The following SETD2 variants were observed in gnomAD, a reference collection of about 807,000 sequenced individuals.
SETD2 encodes SET domain containing 2, histone lysine methyltransferase, also known as histone-lysine N-methyltransferase SETD2.
A neutral mutation model predicts 242.1 loss-of-function variants in SETD2; 31 were observed. The ratio of observed to expected loss-of-function variants is 0.13; its 90% CI spans 0.10 to 0.17. The LOEUF is 0.17. SETD2 is among the 10% of genes least tolerant of loss of function. The probability of loss-of-function intolerance (pLI) is 1.00; values close to 1 mark genes in which losing one functional copy is unlikely to be tolerated. For synonymous variants in SETD2, 1,006 were observed against 1,066.5 expected, an observed-to-expected ratio of 0.94 and a Z score of 1.11; for missense variants, 2,481 against 3,046.3, an observed-to-expected ratio of 0.81 and a Z score of 4.37.
chr3:47,102,413 T>C (rs1267084161), intron 7 of SETD2, among the ~76,000 whole-genome samples: 2 of 152,150 alleles, frequency 1.3e-5, no homozygotes, highest in Non-Finnish European at 2.9e-5. Context: ...GCAAAAAATA[T>C]CCAGACTCAA....
chr3:47,098,149 A>G, intron 8 of SETD2, 68 bp from the exon 9 acceptor site: 2 of 1,554,520 alleles, frequency 1.3e-6, no homozygotes, highest in Non-Finnish European at 1.8e-6. Flanking sequence ...TTGGCAATAC[A>G]CACAAAAGTC....
chr3:47,045,876 C>T (rs553029425), intron 16 of SETD2, among the ~76,000 whole-genome samples: 44 of 148,006 alleles, frequency 3.0e-4, no homozygotes, highest in African/African-American at 1.0e-3. Flanking sequence ...CCCAGGTTCA[C>T]GCCATTCTCC....
At chr3:47,159,958 G>C (rs1348372423) in intron 1 of SETD2, among the ~76,000 whole-genome samples, 1 of 150,608 alleles carries the variant, frequency 6.6e-6, no homozygotes, top group African/African-American at 2.4e-5. Flanking sequence ...CTGGGGGACA[G>C]AGTGAGACTC....
At chr3:47,162,360 A>G (rs1272875728) in intron 1 of SETD2, among the ~76,000 whole-genome samples, 1 of 152,216 alleles carries the variant, frequency 6.6e-6, no homozygotes, top group African/African-American at 2.4e-5. Flanking sequence ...GTAAATCAAA[A>G]CAATCTTACC....
chr3:47,056,929 C>G lies in SETD2; in HGVS notation c.6855G>C (p.Gln2285His). The part of the protein sequence containing the change: ...SNQQSVSVQQ[Q>H]YSPAQSQATI... The stretch of plus-strand genomic sequence containing the variant: ...TTGCTTGAGACTGTGCAGGAGAGTA[C>G]TGCTGCTGTACACTGACAGACTGTT... The change falls in exon 15 of 21, where the codon CAG (glutamine) becomes CAC (histidine). Residue 2285 changes from glutamine to histidine, a missense_variant. Gln to His is a conservative substitution (Grantham distance 24). This residue lies in a region of SETD2 where 235 missense variants were observed against 293.9 expected (regional missense o/e 0.80). Transcript: ENST00000409792. The G allele has an allele frequency of 6.2e-7, 1 of 1,614,236 alleles. No individual in the cohort carries two copies. The highest frequency in any genetic ancestry group is 8.5e-7 in the Non-Finnish European group (1 of 1,180,024).
At chr3:47,044,253 G>C (rs898494439) in intron 16 of SETD2, among the ~76,000 whole-genome samples, 1 of 147,852 alleles carries the variant, frequency 6.8e-6, no homozygotes, top group African/African-American at 2.5e-5. Flanking sequence ...TGAGGCAGGA[G>C]AACTGCTTGA....
At chr3:47,046,210 A>T (rs1162083465) in intron 16 of SETD2, among the ~76,000 whole-genome samples, 1 of 151,678 alleles carries the variant, frequency 6.6e-6, no homozygotes, top group African/African-American at 2.4e-5. Context: ...GGTGGCACAC[A>T]CCTGTAATCC....
intron 1 of SETD2, among the ~76,000 whole-genome samples, chr3:47,134,634 C>CTT (rs879497572): frequency 2.1e-5 from 3 of 145,686 alleles, no homozygotes; most frequent in Non-Finnish European, 4.6e-5. Flanking sequence ...TGCTCAATGA[C>CTT]TTTTTTTTTT....
chr3:47,118,321 C>T (rs891317207), intron 3 of SETD2, among the ~76,000 whole-genome samples: 10 of 152,114 alleles, frequency 6.6e-5, no homozygotes, highest in Non-Finnish European at 1.3e-4. Context: ...AAGCCCTTTT[C>T]CATTAAACAT....
chr3:47,029,112 G>C (rs1054476978), intron 18 of SETD2: 7 of 162,032 alleles, frequency 4.3e-5, no homozygotes, highest in African/African-American at 1.5e-4. Flanking sequence ...CACCAGGCTG[G>C]AGTGCAGTGG....
rs73831472 is a variant in SETD2 at position 47,062,935 on chromosome 3, C to A, written c.6110-589G>T. Among the ~76,000 whole-genome samples the A allele has an allele frequency of 1.9e-3, 289 of 152,064 alleles. 2 individuals carry two copies. Among genetic ancestry groups the A allele is most frequent in the African/African-American group, 6.7e-3 (277 of 41,464 alleles). Reference sequence around the variant, plus strand: ...TCCAGCCTGGGCAAACGAAGCAAGACCCCATCTCTTAAAATTAAAAAAGTG... The same window carrying A: ...TCCAGCCTGGGCAAACGAAGCAAGAACCCATCTCTTAAAATTAAAAAAGTG... On this transcript the variant is annotated intron_variant, in intron 13 of 20. Transcript: ENST00000409792.
At chr3:47,078,440 C>T (rs181739285) in intron 12 of SETD2, among the ~76,000 whole-genome samples, 2 of 150,460 alleles carry the variant, frequency 1.3e-5, no homozygotes, top group East Asian at 1.9e-4. Context: ...AAAGGCAGAC[C>T]GAAGAACTAT....
chr3:47,025,313 T>C (rs1457203520), intron 18 of SETD2, among the ~76,000 whole-genome samples: 1 of 152,190 alleles, frequency 6.6e-6, no homozygotes, highest in Admixed American at 6.5e-5. Flanking sequence ...CTTGGCAAGA[T>C]TCCCCAGCAT....
chr3:47,141,712 C>T (rs2043733233), intron 1 of SETD2, among the ~76,000 whole-genome samples: 3 of 151,862 alleles, frequency 2.0e-5, no homozygotes, highest in South Asian at 2.1e-4. Flanking sequence ...AGAAACATAC[C>T]AAGTACAACA....
At position 47,113,962 on chromosome 3, in the gene SETD2, C is replaced by A. The variant is rs2107719636; in HGVS notation, c.4629G>T (p.Arg1543=). The A allele has an allele frequency of 1.2e-6, 2 of 1,612,856 alleles. No homozygotes were observed. Among genetic ancestry groups the A allele is most frequent in the Non-Finnish European group, 1.7e-6 (2 of 1,179,362 alleles). ...CPNGDYCSNR[R]FQRKQHADVE... ...CATCTGCATGCTGTTTTCTCTGAAA[C>A]CGTCTATTGGAACAATAATCCCCAT... Residue 1543 remains arginine, a synonymous_variant, in exon 5 of 21, where the codon CGG becomes CGT. Coordinates refer to ENST00000409792, the MANE Select transcript of SETD2 (RefSeq NM_014159.7).
rs1287296292 is a variant in SETD2 at position 47,121,953 on chromosome 3, G to C, written c.2683C>G (p.Leu895Val). 1.2e-6 allele frequency: 2 copies of C among 1,613,984 alleles called. No individual in the cohort carries two copies. Among genetic ancestry groups the C allele is most frequent in the Non-Finnish European group, 1.7e-6 (2 of 1,180,010 alleles). The change falls in exon 3 of 21, where the codon CTA (leucine) becomes GTA (valine). Residue 895 changes from leucine to valine, a missense_variant. Leu to Val is a conservative substitution (Grantham distance 32, BLOSUM62 1). Around this residue, in one of 17 missense-constraint regions of SETD2, gnomAD observed 1,300 missense variants for 1,259.2 expected, o/e 1.03. Transcript: ENST00000409792. ...TTCTCTCCGCATTTCAAGAGAGTTA[G>C]ACTGTCCACCTTTATTCCTGGTGGA... ...SLPPGIKVDS[L>V]TLLKCGENTS...
At chr3:47,080,814 G>A in intron 12 of SETD2, 1 of 986,286 alleles carries the variant, frequency 1.0e-6, no homozygotes, top group Non-Finnish European at 1.2e-6. Flanking sequence ...ATCCTTTCTC[G>A]CCAGGAGTAG....
At chr3:47,056,098 A>T (rs1337803760) in intron 15 of SETD2, among the ~76,000 whole-genome samples, 1,261 of 32,506 alleles carry the variant, frequency 0.039, 12 homozygotes, top group Middle Eastern at 0.079. Flanking sequence ...CATGATTTTT[A>T]TTTATTTATT....
rs1051110817 is a variant in SETD2, at chr3:47,017,013, G to C, written c.*80C>G. ...TCAGTAGCACAGTGCTGACAGGGGT[G>C]GGACAGAAAGGCCCACAGGATTTCC... On this transcript the variant is annotated 3_prime_UTR_variant, in exon 21 of 21. Coordinates refer to ENST00000409792, the MANE Select transcript of SETD2 (RefSeq NM_014159.7). The surrounding 1 kb of genome is among the most constrained non-coding windows in gnomAD (Gnocchi z 4.8). 3 of 1,372,098 alleles carry C rather than the reference G, an allele frequency of 2.2e-6. No homozygotes were observed. In the African/African-American group the frequency reaches 4.3e-5, roughly 19 times the overall value. 85.0% of individuals were successfully genotyped at this position (1,372,098 alleles called of 1,614,324 possible).
Sources: allele counts gnomAD v4.1 joint callset (sites outside exome capture counted in the v4.1 genomes callset), GRCh38; gene constraint gnomAD v4.1.1; regional missense constraint gnomAD v4.1.1; non-coding constraint Gnocchi (gnomAD v3.1); transcripts MANE v1.5; gene names NCBI Gene and HGNC (gene_info 2026-07-23, HGNC 2026-07-21).